The following RPTOR variants were observed in gnomAD, a reference collection of about 807,000 sequenced individuals.
RPTOR encodes regulatory-associated protein of mTOR.
A neutral mutation model predicts 169.9 loss-of-function variants in RPTOR; 21 were observed. The ratio of observed to expected loss-of-function variants is 0.12; its 90% CI spans 0.09 to 0.18. The LOEUF (loss-of-function observed/expected upper bound fraction) is 0.18. Among genes scored for constraint, RPTOR ranks in the 10% least tolerant of loss-of-function variants. The pLI, the probability that RPTOR is intolerant of heterozygous loss-of-function variation, is 1.00. For missense variants in RPTOR, 1,133 were observed against 1,855.9 expected (o/e 0.61, Z 7.16); for synonymous variants, 732 against 753.2 (o/e 0.97, Z 0.46).
In RPTOR at chr17:80,609,522, G is replaced by C. The variant is rs915045125; in HGVS notation, c.163-16169G>C. On this transcript the variant is annotated intron_variant, in intron 1 of 33. Coordinates refer to ENST00000306801, the MANE Select transcript of RPTOR (RefSeq NM_020761.3). The surrounding 1 kb of genome is among the most constrained non-coding windows in gnomAD (Gnocchi z 4.8). ...GCATTTTGGGAGGCTGAGGTGGGCA[G>C]ATTATTTGAAGTCATAGTTCGAGAC... Among the ~76,000 whole-genome samples, 9 of 152,202 alleles carry C rather than the reference G, an allele frequency of 5.9e-5. No homozygotes were observed. Among genetic ancestry groups the C allele is most frequent in the Non-Finnish European group, 1.0e-4 (7 of 68,046 alleles).
At chr17:80,893,951 G>A in intron 20 of RPTOR, 86 bp downstream of exon 20, 1 of 1,309,874 alleles carries the variant, frequency 7.6e-7, no homozygotes, top group Non-Finnish European at 1.0e-6. Flanking sequence ...GTCTGCATCA[G>A]GTCAGTGGGT....
chr17:80,705,697 CTTTATT>C (rs2066137219), intron 3 of RPTOR, among the ~76,000 whole-genome samples: 1 of 152,026 alleles, frequency 6.6e-6, no homozygotes, highest in Non-Finnish European at 1.5e-5. Flanking sequence ...TCTTTATTTT[CTTTATT>C]TTTATTTTTC....
chr17:80,743,759 T>G (rs1450294364), intron 5 of RPTOR, among the ~76,000 whole-genome samples: 89 of 132,454 alleles, frequency 6.7e-4, no homozygotes, highest in Non-Finnish European at 1.0e-3. Context: ...CCCTGGCTAC[T>G]AGCACTCTCC....
At chr17:80,921,313 G>A (rs1284347761) in intron 21 of RPTOR, among the ~76,000 whole-genome samples, 11 of 152,358 alleles carry the variant, frequency 7.2e-5, no homozygotes, top group Non-Finnish European at 1.5e-4. Context: ...CCTTCATGGA[G>A]CAGCTGGCCC....
chr17:80,780,033 C>T (rs1035647454), intron 6 of RPTOR, among the ~76,000 whole-genome samples: 2 of 152,136 alleles, frequency 1.3e-5, no homozygotes, highest in African/African-American at 4.8e-5. Flanking sequence ...ACTCGCTCCT[C>T]GTGGACATTT....
chr17:80,656,397 T>G (rs2065680373), intron 3 of RPTOR, among the ~76,000 whole-genome samples: 1 of 152,210 alleles, frequency 6.6e-6, no homozygotes, highest in African/African-American at 2.4e-5. Context: ...AGGTCTGTAC[T>G]GACTTCAGAA....
At chr17:80,745,874 A>C (rs1341785579) in intron 5 of RPTOR, among the ~76,000 whole-genome samples, 1 of 152,218 alleles carries the variant, frequency 6.6e-6, no homozygotes, top group Non-Finnish European at 1.5e-5. Flanking sequence ...TATTTAGAAA[A>C]TGTGAGGCCG....
intron 5 of RPTOR, among the ~76,000 whole-genome samples, chr17:80,743,718 GC>G (rs1192844985): frequency 9.3e-5 from 12 of 128,848 alleles, no homozygotes; most frequent in East Asian, 2.5e-4. Flanking sequence ...CACTGTCCTG[GC>G]TACGAGCACA....
chr17:80,561,491 C>T (rs2084495152), intron 1 of RPTOR, among the ~76,000 whole-genome samples: 1 of 151,432 alleles, frequency 6.6e-6, no homozygotes. Context: ...AGTGCAGTGG[C>T]ACAATCACCG....
In RPTOR at chr17:80,878,307, T is replaced by C. The variant is rs954851740; in HGVS notation, c.1510-2108T>C. ...ACATCGCACTGCAGTTTCAGACTGC[T>C]TTCACATGCGTGGTTTCATCTCTGA... On this transcript the variant is annotated intron_variant, in intron 13 of 33. Transcript: ENST00000306801. The surrounding 1 kb of genome is among the most constrained non-coding windows in gnomAD (Gnocchi z 4.1). Among the ~76,000 whole-genome samples the C allele has an allele frequency of 6.6e-6, 1 of 152,182 alleles. No individual in the cohort carries two copies. The highest frequency in any genetic ancestry group is 2.4e-5 in the African/African-American group (1 of 41,428).
intron 13 of RPTOR, among the ~76,000 whole-genome samples, chr17:80,874,218 T>A (rs199796512): frequency 1.5e-4 from 23 of 151,722 alleles, no homozygotes; most frequent in African/African-American, 5.3e-4. Flanking sequence ...TTTTTTTTTT[T>A]AGACAGTCTT....
At chr17:80,747,684 G>C (rs189416889) in intron 5 of RPTOR, among the ~76,000 whole-genome samples, 2 of 152,330 alleles carry the variant, frequency 1.3e-5, no homozygotes, top group African/African-American at 4.8e-5. Flanking sequence ...TGCAAACCCA[G>C]CAGCGTCTGG....
At chr17:80,792,779 A>G (rs2067062280) in intron 7 of RPTOR, among the ~76,000 whole-genome samples, 1 of 151,824 alleles carries the variant, frequency 6.6e-6, no homozygotes, top group African/African-American at 2.4e-5. Flanking sequence ...GCTGTTCTTG[A>G]GATCTGTTTA....
intron 13 of RPTOR, among the ~76,000 whole-genome samples, chr17:80,867,014 T>C (rs1224884608): frequency 6.6e-6 from 1 of 152,240 alleles, no homozygotes; most frequent in Non-Finnish European, 1.5e-5. Flanking sequence ...TATTGTTCTA[T>C]GAGGCCAGCA....
chr17:80,885,622 C>T (rs1196028054), intron 17 of RPTOR, among the ~76,000 whole-genome samples: 1 of 152,184 alleles, frequency 6.6e-6, no homozygotes, highest in Non-Finnish European at 1.5e-5. Flanking sequence ...TGGCTCACTG[C>T]AAGCTCCGCC....
chr17:80,965,413 C>T lies in RPTOR; in HGVS notation c.*1083C>T. The T allele has an allele frequency of 4.3e-6, 1 of 233,402 alleles. No individual in the cohort carries two copies. The allele number at this position is 233,402 out of a possible 1,614,324, so 14.5% of individuals were successfully genotyped here. On this transcript the variant is annotated 3_prime_UTR_variant, in exon 34 of 34. Transcript: ENST00000306801. The stretch of plus-strand genomic sequence containing the variant: ...CCCATGCTGATGCGACCTCGGCTGA[C>T]AGCTGGGCCTGTGGTGCAGACAGGA...
chr17:80,861,277 C>T lies in RPTOR; in HGVS notation c.1509+3377C>T, dbSNP rs943485014. Among the ~76,000 whole-genome samples, 4 of 144,484 alleles carry T rather than the reference C, an allele frequency of 2.8e-5. 1 individual carries two copies. Among genetic ancestry groups the T allele is most frequent in the Non-Finnish European group, 3.1e-5 (2 of 63,972 alleles). The allele number at this position is 144,484 out of a possible 152,430, so 94.8% of individuals were successfully genotyped here. On this transcript the variant is annotated intron_variant, in intron 13 of 33. Coordinates refer to ENST00000306801, the MANE Select transcript of RPTOR (RefSeq NM_020761.3). The surrounding 1 kb of genome is among the most constrained non-coding windows in gnomAD (Gnocchi z 4.5). ...ACAGTTCCAGAGCTCAGAACCAGGA[C>T]GTGGAAAACTGCTGTGTAAATTATA...
intron 5 of RPTOR, among the ~76,000 whole-genome samples, chr17:80,743,932 TG>T (rs2066524441): frequency 4.7e-5 from 3 of 63,506 alleles, no homozygotes; most frequent in African/African-American, 7.6e-5. Flanking sequence ...AGCAGAGCCC[TG>T]GTTACTAGCA....
rs888358247 is a variant in RPTOR, at chr17:80,545,538, C to A, written c.-92C>A. ...GGTTTTCGATTTCCCGTTTTTGTTT[C>A]TTATTTCACCAATTCTGGTACACGC... On this transcript the variant is annotated 5_prime_UTR_variant, in exon 1 of 34. Transcript: ENST00000306801. 37 of 1,014,596 alleles carry A rather than the reference C, an allele frequency of 3.6e-5. No homozygotes were observed. Among genetic ancestry groups the A allele is most frequent in the Non-Finnish European group, 5.0e-5 (34 of 686,348 alleles). The allele number at this position is 1,014,596 out of a possible 1,614,324, so 62.8% of individuals were successfully genotyped here. A position where few individuals can be genotyped will look rare whatever the true frequency, so the allele number is the denominator to read the frequency against.
Sources: gnomAD v4.1 joint callset for allele counts (sites outside exome capture counted in the v4.1 genomes callset) on GRCh38, gnomAD v4.1.1 for gene constraint, Gnocchi (gnomAD v3.1) non-coding constraint, MANE v1.5 for transcripts, NCBI Gene and HGNC (gene_info 2026-07-23, HGNC 2026-07-21) for gene names.